The following COL4A1 variants were observed in gnomAD, a reference collection of about 807,000 sequenced individuals.
COL4A1 encodes collagen type IV alpha 1 chain, also known as collagen alpha-1(IV) chain.
COL4A1 carries 40 observed loss-of-function variants against 216.6 expected under a neutral mutation model. The observed-to-expected ratio is 0.18, with a 90% CI of 0.14 to 0.24. The LOEUF is 0.24. Ranked by LOEUF, COL4A1 falls within the 10% of genes least tolerant of loss-of-function variation. The pLI is 1.00. For missense variants in COL4A1, 1,628 were observed against 2,196.8 expected (o/e 0.74, Z 5.18); for synonymous variants, 839 against 810.7 (o/e 1.03, Z -0.59).
rs200786329 is a variant in COL4A1 at position 110,201,467 on chromosome 13, G to C, written c.1055C>G (p.Pro352Arg). 1 of 1,613,986 alleles carries C rather than the reference G, an allele frequency of 6.2e-7. No individual in the cohort carries two copies. The highest frequency in any genetic ancestry group is 1.3e-5 in the African/African-American group (1 of 74,902). ...TGGGCCTGGCTCTCCTCTTGGCCCCGGAGTTCCAGGGTAGCCCCTCTCTCC... is the reference window on the plus strand; with the variant it reads ...TGGGCCTGGCTCTCCTCTTGGCCCCCGAGTTCCAGGGTAGCCCCTCTCTCC... ...EKGERGYPGTPGPRGEPGPKG... is the reference protein window; with the variant it reads ...EKGERGYPGTRGPRGEPGPKG... Residue 352 changes from proline (P) to arginine (R), a missense_variant, in exon 19 of 52, where the codon CCG becomes CGG. Physicochemically the swap from Pro to Arg is moderately radical, Grantham distance 103 (BLOSUM62 -2). Transcript: ENST00000375820.
intron 2 of COL4A1, among the ~76,000 whole-genome samples, chr13:110,223,393 T>C (rs1029896501): frequency 6.6e-6 from 1 of 152,162 alleles, no homozygotes; most frequent in African/African-American, 2.4e-5. Context: ...GAAAAAAAAA[T>C]CTATCCAGTT....
At chr13:110,264,827 T>C (rs754792143) in intron 1 of COL4A1, among the ~76,000 whole-genome samples, 1 of 152,172 alleles carries the variant, frequency 6.6e-6, no homozygotes, top group African/African-American at 2.4e-5. Flanking sequence ...GATGGGGGGA[T>C]TGAAGGCCAC....
chr13:110,224,775 G>A (rs532342292), intron 2 of COL4A1, among the ~76,000 whole-genome samples: 4 of 152,272 alleles, frequency 2.6e-5, no homozygotes, highest in South Asian at 2.1e-4. Flanking sequence ...TGTTATTAAC[G>A]TGAACTTAAT....
chr13:110,173,974 G>C lies in COL4A1; in HGVS notation c.3431C>G (p.Thr1144Arg), dbSNP rs769021800. The C allele has an allele frequency of 5.9e-5, 96 of 1,614,032 alleles. No individual in the cohort carries two copies. The East Asian group carries it at 2.1e-3, about 34-fold the overall frequency. Residue 1144 changes from threonine (T) to arginine (R), a missense_variant, in exon 40 of 52, where the codon ACA (threonine) becomes AGA (arginine). By Grantham distance (71) the Thr-to-Arg change is moderately conservative. This residue lies in a region of COL4A1 where 345 missense variants were observed against 476.9 expected (regional missense o/e 0.72). Transcript: ENST00000375820. ...EAGLPGTPGP[T>R]GPAGQKGEPG... Reference sequence around the variant, plus strand: ...CTCCCCTTTCTGGCCAGCTGGGCCTGTGGGGCCAGGAGTCCCAGGAAGACC... The same window carrying C: ...CTCCCCTTTCTGGCCAGCTGGGCCTCTGGGGCCAGGAGTCCCAGGAAGACC...
In COL4A1 at chr13:110,178,229, G is replaced by A. The variant is rs746903318; in HGVS notation, c.2461C>T (p.Pro821Ser). 1.2e-6 allele frequency: 2 copies of A among 1,613,782 alleles called. No individual in the cohort carries two copies. The highest frequency in any genetic ancestry group is 1.7e-6 in the Non-Finnish European group (2 of 1,180,030). Residue 821 changes from proline (P) to serine (S), a missense_variant and splice_region_variant, in exon 32 of 52, where the codon CCT becomes TCT. Pro to Ser is a moderately conservative substitution (Grantham distance 74). Coordinates refer to ENST00000375820, the MANE Select transcript of COL4A1 (RefSeq NM_001845.6). ...GGQGPPGLSGPPGIKGEKGFP... is the reference protein window; with the variant it reads ...GGQGPPGLSGSPGIKGEKGFP... ...CCCTTCTCTCCTTTTATTCCAGGAG[G>A]GCCTGCAGTTGGGTGAAACACAAAT...
intron 2 of COL4A1, among the ~76,000 whole-genome samples, chr13:110,236,853 G>A (rs1463843480): frequency 6.6e-6 from 1 of 152,218 alleles, no homozygotes; most frequent in African/African-American, 2.4e-5. Context: ...TCCAGAATGG[G>A]GTGGGATGCA....
chr13:110,174,005 G>C lies in COL4A1; in HGVS notation c.3407-7C>G. 1 of 1,613,980 alleles carries C rather than the reference G, an allele frequency of 6.2e-7. No individual in the cohort carries two copies. The highest frequency in any genetic ancestry group is 8.5e-7 in the Non-Finnish European group (1 of 1,180,010). ...CCAGGAGTCCCAGGAAGACCTCAAA[G>C]AGAAAAGTCACATCAGACACCCGCA... On this transcript the variant is annotated splice_polypyrimidine_tract_variant and splice_region_variant and intron_variant, in intron 39 of 51. Coordinates refer to ENST00000375820, the MANE Select transcript of COL4A1 (RefSeq NM_001845.6).
chr13:110,187,391 T>G, intron 24 of COL4A1, 62 bp from the exon 25 acceptor site: 1 of 1,581,918 alleles, frequency 6.3e-7, no homozygotes, highest in South Asian at 1.1e-5. Flanking sequence ...CCAGTGTGAC[T>G]GTAACACAAG....
rs766210658 is a variant in COL4A1, at chr13:110,167,223, C to A, written c.3884G>T (p.Gly1295Val). 1 of 1,613,604 alleles carries A rather than the reference C, an allele frequency of 6.2e-7. No homozygotes were observed. The highest frequency in any genetic ancestry group is 1.7e-5 in the Admixed American group (1 of 60,010). The change falls in exon 44 of 52, where the codon GGT becomes GTT. Residue 1295 changes from glycine to valine, a missense_variant. By Grantham distance (109) the Gly-to-Val change is moderately radical. Around this residue, in one of 8 missense-constraint regions of COL4A1, gnomAD observed 345 missense variants for 476.9 expected, o/e 0.72. Coordinates refer to ENST00000375820, the MANE Select transcript of COL4A1 (RefSeq NM_001845.6). ...AGAGCCTGTGATTCCTGGAGAGCCA[C>A]CAATACCCTAGACACGCAAAGAGGA... ...DPGFQGMPGI[G>V]GSPGITGSKG...
At chr13:110,216,101 G>GC (rs1880062554) in intron 2 of COL4A1, among the ~76,000 whole-genome samples, 1 of 152,206 alleles carries the variant, frequency 6.6e-6, no homozygotes, top group Non-Finnish European at 1.5e-5. Flanking sequence ...GCCCCTTCAG[G>GC]CCAGCAGCAT....
At chr13:110,285,328 G>A (rs1883798251) in intron 1 of COL4A1, among the ~76,000 whole-genome samples, 1 of 152,178 alleles carries the variant, frequency 6.6e-6, no homozygotes, top group Non-Finnish European at 1.5e-5. Flanking sequence ...TCACCCTGTG[G>A]GCCTCACTCA....
chr13:110,270,951 G>A (rs2139289265), intron 1 of COL4A1, among the ~76,000 whole-genome samples: 1 of 152,232 alleles, frequency 6.6e-6, no homozygotes, highest in East Asian at 1.9e-4. Context: ...CTGATTCCAG[G>A]AAAGCAACGA....
intron 22 of COL4A1, 101 bp downstream of exon 22, chr13:110,194,922 A>T (rs1160018160): frequency 1.8e-5 from 16 of 910,932 alleles, no homozygotes; most frequent in Non-Finnish European, 2.7e-5. Context: ...CCTACGCCCT[A>T]ACTCTGCCCA....
At chr13:110,290,807 C>T (rs1227825327) in intron 1 of COL4A1, among the ~76,000 whole-genome samples, 1 of 152,216 alleles carries the variant, frequency 6.6e-6, no homozygotes, top group East Asian at 1.9e-4. Flanking sequence ...AATATCACTG[C>T]ATTTGGACCA....
intron 1 of COL4A1, among the ~76,000 whole-genome samples, chr13:110,256,745 G>T (rs531815839): frequency 4.1e-5 from 4 of 98,256 alleles, no homozygotes; most frequent in African/African-American, 1.2e-4. Flanking sequence ...GACCGGCGGC[G>T]GGGGGGTCTA....
intron 24 of COL4A1, among the ~76,000 whole-genome samples, chr13:110,189,830 T>A: frequency 6.6e-6 from 1 of 152,198 alleles, no homozygotes; most frequent in East Asian, 1.9e-4. Context: ...ACAGTCTATT[T>A]GCAGAGCTGT....
intron 26 of COL4A1, among the ~76,000 whole-genome samples, chr13:110,184,235 GC>G (rs1228643612): frequency 1.3e-5 from 2 of 152,194 alleles, no homozygotes; most frequent in African/African-American, 4.8e-5. Flanking sequence ...CTCCCCAGAA[GC>G]CTTCTTCCCC....
chr13:110,217,704 C>T lies in COL4A1; in HGVS notation c.145-3689G>A, dbSNP rs192469784. 2.6e-3 allele frequency among the ~76,000 whole-genome samples: 400 copies of T among 152,216 alleles called. 4 individuals carry two copies. Among genetic ancestry groups the T allele is most frequent in the Non-Finnish European group, 7.8e-4 (53 of 68,000 alleles). The stretch of plus-strand genomic sequence containing the variant: ...AAAAAGGAAAATCATACGCCAAAGC[C>T]GGAGATGACTACTGCTGTGTCCCCA... On this transcript the variant is annotated intron_variant, in intron 2 of 51. Coordinates refer to ENST00000375820, the MANE Select transcript of COL4A1 (RefSeq NM_001845.6).
intron 24 of COL4A1, chr13:110,191,572 G>C (rs1878628132): frequency 1.6e-6 from 1 of 630,122 alleles, no homozygotes; most frequent in African/African-American, 1.9e-5. Context: ...CAAAAGCTAA[G>C]AAGCTGGTAT....
Sources: gnomAD v4.1 joint callset for allele counts (sites outside exome capture counted in the v4.1 genomes callset) on GRCh38, gnomAD v4.1.1 for gene constraint, gnomAD v4.1.1 regional missense constraint, MANE v1.5 for transcripts, NCBI Gene and HGNC (gene_info 2026-07-23, HGNC 2026-07-21) for gene names.